PRRX1: variants seen among roughly 807,000 people sequenced by gnomAD.
The protein encoded by PRRX1 is paired mesoderm homeobox protein 1.
A neutral mutation model predicts 24.0 loss-of-function variants in PRRX1; 8 were observed. The ratio of observed to expected loss-of-function variants is 0.33; its 90% CI spans 0.20 to 0.60. The LOEUF (loss-of-function observed/expected upper bound fraction) is 0.60. Ranked by LOEUF, PRRX1 falls within the 20% of genes least tolerant of loss-of-function variation. PRRX1 has a pLI of 0.82. For missense variants in PRRX1, 281 were observed against 322.4 expected (o/e 0.87, Z 0.98); for synonymous variants, 160 against 131.7 (o/e 1.22, Z -1.47).
At chr1:170,722,571 T>C (rs1047885460) in intron 2 of PRRX1, 11 of 152,156 alleles carry the variant, frequency 7.2e-5, no homozygotes, top group African/African-American at 2.7e-4. Flanking sequence ...TAATTAGTGA[T>C]AGACCAGAGG....
At chr1:170,723,542 T>C (rs942602562) in intron 2 of PRRX1, among the ~76,000 whole-genome samples, 1 of 152,178 alleles carries the variant, frequency 6.6e-6, no homozygotes. Context: ...AGTAAATGAA[T>C]GAGTAGAATT....
intron 2 of PRRX1, 129 bp downstream of exon 2, chr1:170,720,030 G>A (rs1655030770): frequency 1.6e-6 from 2 of 1,234,240 alleles, no homozygotes; most frequent in South Asian, 1.3e-5. Flanking sequence ...CACGTTGGGA[G>A]GTTGAGGCAG....
chr1:170,664,027 C>G, upstream of PRRX1: 1 of 583,504 alleles, frequency 1.7e-6, no homozygotes, highest in Non-Finnish European at 2.9e-6. Flanking sequence ...AGAAGGGGGT[C>G]CCCCACCCTC....
rs1406921492 is a variant in PRRX1 at position 170,664,390 on chromosome 1, G to A, written c.172G>A (p.Gly58Ser). ...GGCGGCACAGGCGGATGAGAACGTG[G>A]GCGAGGCTGGCCGGAGCCTGCTGGA... ...MVAAQADENV[G>S]EAGRSLLESP... is the part of the protein sequence containing the mutation. The change falls in exon 1 of 4, where the codon GGC (glycine) becomes AGC (serine). Residue 58 changes from glycine (G) to serine (S), a missense_variant. Transcript: ENST00000239461. The A allele has an allele frequency of 1.9e-6, 3 of 1,613,244 alleles. No individual in the cohort carries two copies. The highest frequency in any genetic ancestry group is 1.7e-6 in the Non-Finnish European group (2 of 1,179,800).
intron 3 of PRRX1, among the ~76,000 whole-genome samples, chr1:170,734,042 T>C (rs1655524964): frequency 6.6e-6 from 1 of 152,130 alleles, no homozygotes; most frequent in Non-Finnish European, 1.5e-5. Context: ...GTTGAAGTGA[T>C]AGTCTAAACT....
intron 1 of PRRX1, among the ~76,000 whole-genome samples, chr1:170,687,431 C>A (rs961030785): frequency 1.3e-5 from 2 of 152,122 alleles, no homozygotes; most frequent in South Asian, 2.1e-4. Context: ...TTCTTTCCTG[C>A]CTTAAGCTAA....
intron 1 of PRRX1, among the ~76,000 whole-genome samples, chr1:170,696,373 C>A (rs530655684): frequency 6.6e-6 from 1 of 152,080 alleles, no homozygotes. Context: ...CTCTAGTGTG[C>A]GGTTCTCAGA....
intron 1 of PRRX1, among the ~76,000 whole-genome samples, chr1:170,699,452 G>C (rs555048302): frequency 6.6e-6 from 1 of 151,944 alleles, no homozygotes; most frequent in Non-Finnish European, 1.5e-5. Flanking sequence ...TTTGCACACA[G>C]CTCCTCTAGA....
intron 1 of PRRX1, among the ~76,000 whole-genome samples, chr1:170,690,786 A>G (rs1387417555): frequency 6.6e-6 from 1 of 152,148 alleles, no homozygotes; most frequent in Non-Finnish European, 1.5e-5. Flanking sequence ...ACTCTGGGAA[A>G]GGTATCAGTA....
At chr1:170,664,788 C>CGGCGG (rs1212951634) in intron 1 of PRRX1, among the ~76,000 whole-genome samples, 4 of 152,208 alleles carry the variant, frequency 2.6e-5, no homozygotes, top group East Asian at 1.9e-4. Flanking sequence ...GCACGCGGGG[C>CGGCGG]GGCGGGGCTG....
At chr1:170,733,418 T>C (rs1655501090) in intron 3 of PRRX1, among the ~76,000 whole-genome samples, 1 of 152,082 alleles carries the variant, frequency 6.6e-6, no homozygotes, top group Non-Finnish European at 1.5e-5. Context: ...GTCCAGAATC[T>C]CAAAAAACAC....
chr1:170,731,201 A>G (rs888385271), intron 3 of PRRX1, among the ~76,000 whole-genome samples: 10 of 152,236 alleles, frequency 6.6e-5, no homozygotes, highest in Non-Finnish European at 1.3e-4. Context: ...ACATTTTATC[A>G]GGTGAAGCAA....
At chr1:170,666,291 G>A (rs1220666483) in intron 1 of PRRX1, among the ~76,000 whole-genome samples, 2 of 151,650 alleles carry the variant, frequency 1.3e-5, no homozygotes, top group East Asian at 1.9e-4. Flanking sequence ...AGTGCCGAGC[G>A]CCTGTAATCC....
chr1:170,687,452 C>T (rs924871112), intron 1 of PRRX1, among the ~76,000 whole-genome samples: 1 of 152,136 alleles, frequency 6.6e-6, no homozygotes, highest in African/African-American at 2.4e-5. Flanking sequence ...CAGTAGATGA[C>T]GTTTGCTTCG....
rs34963551 is a variant in PRRX1, at chr1:170,738,452, T to G, written c.*2266T>G. On this transcript the variant is annotated 3_prime_UTR_variant, in exon 4 of 4. Coordinates refer to ENST00000239461, the MANE Select transcript of PRRX1 (RefSeq NM_022716.4). ...TATTAAAACATTTCTTACTGAATGG[T>G]TCATGTAGGCTTGCTGAACAGCACG... 3.3e-4 allele frequency: 76 copies of G among 228,392 alleles called. No homozygotes were observed. The highest frequency in any genetic ancestry group is 6.0e-4 in the Non-Finnish European group (69 of 115,062). The allele number at this position is 228,392 out of a possible 1,614,324, so 14.1% of individuals were successfully genotyped here. A position where few individuals can be genotyped will look rare whatever the true frequency, so the allele number is the denominator to read the frequency against.
chr1:170,674,096 T>C (rs932165292), intron 1 of PRRX1, among the ~76,000 whole-genome samples: 1 of 152,266 alleles, frequency 6.6e-6, no homozygotes, highest in Non-Finnish European at 1.5e-5. Context: ...CTTTTCATTC[T>C]TTACATCAAA....
At chr1:170,733,535 C>A (rs1248798248) in intron 3 of PRRX1, among the ~76,000 whole-genome samples, 1 of 152,106 alleles carries the variant, frequency 6.6e-6, no homozygotes, top group Admixed American at 6.6e-5. Context: ...TAAGTTTTAG[C>A]TTTCTGTTTT....
chr1:170,701,056 T>C (rs1654341776), intron 1 of PRRX1, among the ~76,000 whole-genome samples: 1 of 152,200 alleles, frequency 6.6e-6, no homozygotes, highest in African/African-American at 2.4e-5. Flanking sequence ...TAATACTGCC[T>C]TTATCACCCT....
chr1:170,697,953 C>T (rs369275599), intron 1 of PRRX1, among the ~76,000 whole-genome samples: 1 of 151,282 alleles, frequency 6.6e-6, no homozygotes, highest in African/African-American at 2.4e-5. Flanking sequence ...ATTTTTAATA[C>T]TGCATATTCC....
Sources: allele counts gnomAD v4.1 joint callset (sites outside exome capture counted in the v4.1 genomes callset), GRCh38; gene constraint gnomAD v4.1.1; transcripts MANE v1.5; gene names NCBI Gene and HGNC (gene_info 2026-07-23, HGNC 2026-07-21).